Variants in LAS1L observed in about 807,000 individuals in gnomAD.
LAS1L encodes LAS1 like ribosome biogenesis factor.
LAS1L carries 5 observed loss-of-function variants against 57.3 expected under a neutral mutation model. The observed-to-expected ratio is 0.09, with a 90% CI of 0.05 to 0.18. LAS1L has a LOEUF of 0.18. Among genes scored for constraint, LAS1L ranks in the 10% least tolerant of loss-of-function variants. The pLI is 1.00. For missense variants in LAS1L, 360 were observed against 568.3 expected (o/e 0.63, Z 3.73); for synonymous variants, 245 against 231.7 (o/e 1.06, Z -0.52).
chrX:65,525,601 A>AGAGGGGTTGCAGG (rs2069086335), intron 7 of LAS1L, among the ~76,000 whole-genome samples: 1 of 109,838 alleles, frequency 9.1e-6, no homozygotes, highest in Non-Finnish European at 1.9e-5. Flanking sequence ...GAACAAAGTT[A>AGAGGGGTTGCAGG]GAGGGGTTGC....
intron 4 of LAS1L, 58 bp downstream of exon 4, chrX:65,531,299 G>A (rs1020092066): frequency 6.7e-6 from 6 of 899,254 alleles, no homozygotes; most frequent in Middle Eastern, 2.7e-4. Context: ...TACCCTCAGC[G>A]CCACCAAGCC....
rs1401668326 is a variant in LAS1L, at chrX:65,512,684, C to G, written c.*91G>C. ...AGTTGATGTGGCTGATCCAGGCTGT[C>G]TCCCAGGTTGTCTCAGGGAGCATCA... On this transcript the variant is annotated 3_prime_UTR_variant, in exon 14 of 14. Coordinates refer to ENST00000374811, the MANE Select transcript of LAS1L (RefSeq NM_031206.7). 9.9e-7 allele frequency: 1 copy of G among 1,010,326 alleles called. No individual in the cohort carries two copies. The highest frequency in any genetic ancestry group is 1.3e-6 in the Non-Finnish European group (1 of 758,650). 83.3% of individuals were successfully genotyped at this position (1,010,326 alleles called of 1,213,427 possible).
At chrX:65,524,386 G>A (rs1197524675) in intron 9 of LAS1L, 124 bp from the exon 10 acceptor site, 11 of 560,521 alleles carry the variant, frequency 2.0e-5, no homozygotes, top group East Asian at 7.2e-5. Context: ...ATGTGTGCGC[G>A]CGCATGAGCC....
intron 6 of LAS1L, 105 bp downstream of exon 6, chrX:65,529,107 A>T: frequency 1.5e-6 from 1 of 688,542 alleles, no homozygotes; most frequent in Non-Finnish European, 2.4e-6. Context: ...ACGCTTTGTC[A>T]CTTTTCTTTC....
At chrX:65,526,069 C>A (rs1193104877) in intron 7 of LAS1L, among the ~76,000 whole-genome samples, 1 of 111,436 alleles carries the variant, frequency 9.0e-6, no homozygotes, top group Admixed American at 9.6e-5. Context: ...CCTGACATCT[C>A]CCCCTCCACC....
intron 12 of LAS1L, among the ~76,000 whole-genome samples, chrX:65,516,148 T>C (rs763657116): frequency 1.8e-5 from 2 of 111,828 alleles, no homozygotes; most frequent in East Asian, 5.6e-4. Flanking sequence ...GTGTCAACCC[T>C]GGACCAGCTT....
intron 11 of LAS1L, chrX:65,520,599 C>T: frequency 1.3e-6 from 1 of 753,906 alleles, no homozygotes; most frequent in Non-Finnish European, 1.6e-6. Context: ...CAGCATAATA[C>T]CTGGGCAAAC....
rs180689421 is a variant in LAS1L, at chrX:65,524,108, A to G, written c.1248T>C (p.Pro416=). The G allele has an allele frequency of 8.3e-7, 1 of 1,211,295 alleles. No homozygotes were observed. Among genetic ancestry groups the G allele is most frequent in the Admixed American group, 2.2e-5 (1 of 46,050 alleles). The change falls in exon 10 of 14, where the codon CCT becomes CCC. Residue 416 remains proline (P), a synonymous_variant. Transcript: ENST00000374811. ...CAACGGTCCATCTGAGGATGTAGGT[A>G]GGCCGGATCCCGCTGATCCCCAAGG... The part of the protein sequence containing the change: ...LPALGISGIR[P]TYILRWTVEL...
At chrX:65,517,959 G>A in intron 12 of LAS1L, 28 bp downstream of exon 12, 1 of 1,160,591 alleles carries the variant, frequency 8.6e-7, no homozygotes, top group Non-Finnish European at 1.1e-6. Flanking sequence ...GAGAAAAGAA[G>A]TCCATGTGGG....
rs188631434 is a variant in LAS1L, at chrX:65,520,724, C to T, written c.1449-2259G>A. Reference sequence around the variant, plus strand: ...TACCCAAGTGAGCCGCTGTTACTGCCGGCATGTGTCGCATCCCTCTGGTAT... The same window carrying T: ...TACCCAAGTGAGCCGCTGTTACTGCTGGCATGTGTCGCATCCCTCTGGTAT... On this transcript the variant is annotated intron_variant, in intron 11 of 13. Transcript: ENST00000374811. The T allele has an allele frequency of 6.9e-5, 52 of 752,081 alleles. No individual in the cohort carries two copies. The African/African-American group carries it at 1.0e-3, about 15-fold the overall frequency. The allele number at this position is 752,081 out of a possible 1,213,427, so 62.0% of individuals were successfully genotyped here. A position where few individuals can be genotyped will look rare whatever the true frequency, so the allele number is the denominator to read the frequency against.
intron 13 of LAS1L, among the ~76,000 whole-genome samples, chrX:65,513,188 A>C (rs889105615): frequency 1.8e-5 from 2 of 112,331 alleles, no homozygotes; most frequent in Admixed American, 1.9e-4. Flanking sequence ...GGGTTGAGGT[A>C]GGGGAGGGGG....
intron 11 of LAS1L, chrX:65,520,872 CTT>C (rs2068821375): frequency 4.0e-6 from 3 of 752,137 alleles, no homozygotes; most frequent in Admixed American, 8.9e-5. Context: ...CCATGCTGCT[CTT>C]GTCACTCCCT....
rs186130633 is a variant in LAS1L, at chrX:65,524,242, C to G, written c.1114G>C (p.Val372Leu). The change falls in exon 10 of 14, where the codon GTC becomes CTC. Residue 372 changes from valine to leucine, a missense_variant. Physicochemically the swap from Val to Leu is conservative, Grantham distance 32. This residue lies in a region of LAS1L where 81 missense variants were observed against 192.1 expected (regional missense o/e 0.42). Coordinates refer to ENST00000374811, the MANE Select transcript of LAS1L (RefSeq NM_031206.7). ...KSHKNVDLND[V>L]LVPKPFSQFW... is the part of the protein sequence containing the mutation. ...TGAGAGAACGGCTTTGGCACCAGGA[C>G]GTCATTCAAGTCCACGTTTTCTGGT... 6 of 1,207,607 alleles carry G rather than the reference C, an allele frequency of 5.0e-6. No homozygotes were observed. The highest frequency in any genetic ancestry group is 1.8e-5 in the African/African-American group (1 of 57,098).
At chrX:65,523,400 C>G (rs977654974) in intron 11 of LAS1L, 160 bp downstream of exon 11, 2 of 497,522 alleles carry the variant, frequency 4.0e-6, no homozygotes, top group Non-Finnish European at 6.3e-6. Context: ...GAAAACCCTA[C>G]CCCTCCCCTC....
intron 7 of LAS1L, among the ~76,000 whole-genome samples, chrX:65,526,024 A>T (rs2069126792): frequency 9.0e-6 from 1 of 111,134 alleles, no homozygotes; most frequent in African/African-American, 3.3e-5. Context: ...TTCTTGTTCT[A>T]TTAGTTTCCG....
At chrX:65,523,794 C>T (rs2068982579) in intron 10 of LAS1L, 87 bp from the exon 11 acceptor site, 1 of 1,003,694 alleles carries the variant, frequency 1.0e-6, no homozygotes, top group Non-Finnish European at 1.3e-6. Context: ...TCTGTCCCTC[C>T]CCATCCCCCC....
chrX:65,514,708 C>T, intron 13 of LAS1L, 115 bp downstream of exon 13: 1 of 717,756 alleles, frequency 1.4e-6, no homozygotes, highest in South Asian at 3.1e-5. Flanking sequence ...ACACTTCACT[C>T]ATTTAGGCCC....
chrX:65,523,541 T>G lies in LAS1L; in HGVS notation c.1448+19A>C, dbSNP rs762487282. The G allele has an allele frequency of 1.9e-4, 224 of 1,156,121 alleles. No individual in the cohort carries two copies. Among genetic ancestry groups the G allele is most frequent in the Non-Finnish European group, 2.5e-4 (221 of 868,068 alleles). On this transcript the variant is annotated intron_variant, in intron 11 of 13. Transcript: ENST00000374811. The stretch of plus-strand genomic sequence containing the variant: ...TGAAGGGCCTCACCCTCTTACCGGA[T>G]GGAATTCAAGAGACTTACATCCGAA...
intron 7 of LAS1L, 110 bp from the exon 8 acceptor site, chrX:65,525,160 A>G: frequency 1.7e-6 from 1 of 583,679 alleles, no homozygotes. Context: ...TGGCTGAAGC[A>G]GCATAGGGAG....
Sources: allele counts gnomAD v4.1 joint callset (sites outside exome capture counted in the v4.1 genomes callset), GRCh38; gene constraint gnomAD v4.1.1; regional missense constraint gnomAD v4.1.1; transcripts MANE v1.5; gene names NCBI Gene and HGNC (gene_info 2026-07-23, HGNC 2026-07-21).